The following CWH43 variants were observed in gnomAD, a reference collection of about 807,000 sequenced individuals.
CWH43 encodes cell wall biogenesis 43 C-terminal homolog.
A neutral mutation model predicts 85.7 loss-of-function variants in CWH43; 91 were observed. That is an observed-to-expected ratio of 1.06 (90% CI 0.90 to 1.26). The LOEUF (loss-of-function observed/expected upper bound fraction) is 1.26. Ranked by LOEUF, CWH43 falls within the 50% of genes most tolerant of loss-of-function variation. The probability of loss-of-function intolerance (pLI) is 0.00; values close to 1 mark genes in which losing one functional copy is unlikely to be tolerated. For synonymous variants in CWH43, 323 were observed against 293.6 expected, an observed-to-expected ratio of 1.10 and a Z score of -1.02; for missense variants, 869 against 839.2, an observed-to-expected ratio of 1.04 and a Z score of -0.44.
intron 13 of CWH43, 58 bp from the exon 14 acceptor site, chr4:49,044,728 T>C (rs373836639): frequency 1.0e-4 from 142 of 1,379,446 alleles, no homozygotes; most frequent in Non-Finnish European, 1.4e-4. Flanking sequence ...TTTTTGGCAA[T>C]GTGGAATAGA....
At chr4:49,024,337 A>G (rs953518713) in intron 9 of CWH43, among the ~76,000 whole-genome samples, 56 of 152,342 alleles carry the variant, frequency 3.7e-4, no homozygotes, top group African/African-American at 1.3e-3. Context: ...TAGGACATTT[A>G]CATTTAATGT....
At chr4:49,012,580 C>G (rs1183452263) in intron 8 of CWH43, among the ~76,000 whole-genome samples, 1 of 152,206 alleles carries the variant, frequency 6.6e-6, no homozygotes, top group Non-Finnish European at 1.5e-5. Flanking sequence ...TTTGGCTTTT[C>G]TGATCTGGTT....
intron 1 of CWH43, chr4:48,986,817 T>A: frequency 8.7e-7 from 1 of 1,152,262 alleles, no homozygotes; most frequent in Non-Finnish European, 1.1e-6. Context: ...ACCCGTGGCC[T>A]TTAAGTTTAA....
intron 15 of CWH43, among the ~76,000 whole-genome samples, chr4:49,060,000 G>T (rs1014413514): frequency 2.0e-5 from 3 of 152,122 alleles, no homozygotes; most frequent in Non-Finnish European, 4.4e-5. Context: ...TCCTCCATAG[G>T]TGTCCTATGG....
intron 12 of CWH43, 103 bp from the exon 13 acceptor site, chr4:49,037,933 C>A: frequency 2.2e-6 from 2 of 926,758 alleles, no homozygotes; most frequent in East Asian, 2.5e-5. Context: ...TGACTCTGGG[C>A]TTCTTCACTA....
chr4:49,044,832 A>T lies in CWH43; in HGVS notation c.1850A>T (p.Tyr617Phe). The T allele has an allele frequency of 6.2e-7, 1 of 1,612,948 alleles. No homozygotes were observed. ...DHDRWCEYIM[Y>F]RGLIRLGYAR... is the part of the protein sequence containing the mutation. ...GACAGATGGTGTGAATACATTATGT[A>T]TCGAGGGCTGATCAGGTGAGCACAG... The change falls in exon 14 of 16, where the codon TAT (tyrosine) becomes TTT (phenylalanine). Residue 617 changes from tyrosine (Y) to phenylalanine (F), a missense_variant. By Grantham distance (22) the Tyr-to-Phe change is conservative. This residue lies in a region of CWH43 where 577 missense variants were observed against 513.1 expected (regional missense o/e 1.12). Transcript: ENST00000226432.
chr4:49,016,683 C>T, intron 8 of CWH43: 1 of 765,744 alleles, frequency 1.3e-6, no homozygotes, highest in Non-Finnish European at 2.4e-6. Context: ...TTCTGGGCTG[C>T]TTAGTCCATT....
At position 49,032,730 on chromosome 4, in the gene CWH43, C is replaced by T; in HGVS notation, c.1658+15C>T. On this transcript the variant is annotated intron_variant, in intron 12 of 15. Transcript: ENST00000226432. ...GGGAACCACGAGTGGGTTTCTTTGG[C>T]CCACCTAATATTACACAAATGCCAA... 2 of 1,613,478 alleles carry T rather than the reference C, an allele frequency of 1.2e-6. No homozygotes were observed. The highest frequency in any genetic ancestry group is 1.7e-6 in the Non-Finnish European group (2 of 1,179,506).
intron 12 of CWH43, among the ~76,000 whole-genome samples, chr4:49,032,985 T>A (rs550649866): frequency 6.6e-6 from 1 of 152,236 alleles, no homozygotes; most frequent in Admixed American, 6.5e-5. Flanking sequence ...TGCATTACTG[T>A]GTTTGCTCTT....
chr4:49,020,123 T>A (rs1405650981), intron 9 of CWH43, among the ~76,000 whole-genome samples: 5 of 152,234 alleles, frequency 3.3e-5, no homozygotes, highest in Admixed American at 2.6e-4. Context: ...GCAGTTTAAC[T>A]GTACCCAATT....
chr4:49,031,546 C>G (rs1784097808), intron 11 of CWH43, among the ~76,000 whole-genome samples: 1 of 152,052 alleles, frequency 6.6e-6, no homozygotes, highest in African/African-American at 2.4e-5. Context: ...GAAAGGAAGT[C>G]AAGGATGGGA....
chr4:49,032,293 T>G (rs1784121883), intron 11 of CWH43, among the ~76,000 whole-genome samples: 1 of 152,204 alleles, frequency 6.6e-6, no homozygotes, highest in Non-Finnish European at 1.5e-5. Flanking sequence ...TACAATGGGT[T>G]TTTTGTATTA....
intron 15 of CWH43, among the ~76,000 whole-genome samples, chr4:49,054,366 A>G (rs1211331912): frequency 1.3e-5 from 2 of 152,090 alleles, no homozygotes; most frequent in African/African-American, 4.8e-5. Flanking sequence ...ATTGATCTAT[A>G]TATCTGTTTT....
chr4:49,027,252 C>T (rs1424181328), intron 9 of CWH43, among the ~76,000 whole-genome samples: 2 of 152,004 alleles, frequency 1.3e-5, no homozygotes, highest in Non-Finnish European at 2.9e-5. Context: ...AAAGTAGAAC[C>T]GATAGGATTG....
At chr4:49,007,917 T>C (rs1005958721) in intron 8 of CWH43, among the ~76,000 whole-genome samples, 2 of 152,214 alleles carry the variant, frequency 1.3e-5, no homozygotes, top group Admixed American at 6.5e-5. Context: ...TTGTGAATAG[T>C]GCTGTAATAA....
intron 1 of CWH43, chr4:48,986,886 C>G: frequency 5.6e-6 from 5 of 888,036 alleles, no homozygotes; most frequent in Non-Finnish European, 6.8e-6. Flanking sequence ...CCCGTTTTCC[C>G]CAGGAGCTGT....
Position 48,992,862 on chromosome 4 carries a change from C to A in CWH43, c.511+772C>A, listed in dbSNP as rs1230306825. ...GTGCTTGTATAATTCCCCCTGTGGC[C>A]CCTAGTTTGGCATGAAATGAGAATA... On this transcript the variant is annotated intron_variant, in intron 4 of 15. Transcript: ENST00000226432. The surrounding 1 kb of genome is among the most constrained non-coding windows in gnomAD (Gnocchi z 4.3). 6.6e-6 allele frequency among the ~76,000 whole-genome samples: 1 copy of A among 152,108 alleles called. No individual in the cohort carries two copies. Among genetic ancestry groups the A allele is most frequent in the African/African-American group, 2.4e-5 (1 of 41,402 alleles).
In CWH43 at chr4:49,062,075, C is replaced by T; in HGVS notation, c.*185C>T. 3.0e-6 allele frequency: 1 copy of T among 331,380 alleles called. No homozygotes were observed. The highest frequency in any genetic ancestry group is 5.1e-6 in the Non-Finnish European group (1 of 196,768). 20.5% of individuals were successfully genotyped at this position (331,380 alleles called of 1,614,324 possible). A position where few individuals can be genotyped will look rare whatever the true frequency, so the allele number is the denominator to read the frequency against. ...TATGTTGCTTAATAAAAACATTTCT[C>T]TAAATTGTTTTCCCTAAATTTTGAT... On this transcript the variant is annotated 3_prime_UTR_variant, in exon 16 of 16. Coordinates refer to ENST00000226432, the MANE Select transcript of CWH43 (RefSeq NM_025087.3).
At chr4:49,051,768 G>C (rs1784806169) in intron 15 of CWH43, among the ~76,000 whole-genome samples, 2 of 152,088 alleles carry the variant, frequency 1.3e-5, no homozygotes, top group Admixed American at 1.3e-4. Context: ...GTAAAGACAG[G>C]GTTTCACTAT....
Sources: gnomAD v4.1 joint callset for allele counts (sites outside exome capture counted in the v4.1 genomes callset) on GRCh38, gnomAD v4.1.1 for gene constraint, gnomAD v4.1.1 regional missense constraint, Gnocchi (gnomAD v3.1) non-coding constraint, MANE v1.5 for transcripts, NCBI Gene and HGNC (gene_info 2026-07-23, HGNC 2026-07-21) for gene names.